The following AIG1 variants were observed in gnomAD, a reference collection of about 807,000 sequenced individuals.
AIG1 encodes androgen induced 1.
A neutral mutation model predicts 31.4 loss-of-function variants in AIG1; 23 were observed. The observed-to-expected ratio is 0.73, with a 90% CI of 0.53 to 1.04. The LOEUF (loss-of-function observed/expected upper bound fraction) is 1.04, where lower values mean the gene tolerates loss of function less well. Ranked by LOEUF, AIG1 falls within the 50% of genes least tolerant of loss-of-function variation. The pLI is 0.00. For synonymous variants in AIG1, 100 were observed against 110.5 expected, an observed-to-expected ratio of 0.90 and a Z score of 0.60; for missense variants, 274 against 295.0, an observed-to-expected ratio of 0.93 and a Z score of 0.52.
At position 143,256,654 on chromosome 6, in the gene AIG1, A is replaced by T. The variant is rs1459429493; in HGVS notation, c.400-27456A>T. Among the ~76,000 whole-genome samples the T allele has an allele frequency of 6.6e-6, 1 of 152,250 alleles. No individual in the cohort carries two copies. Among genetic ancestry groups the T allele is most frequent in the Non-Finnish European group, 1.5e-5 (1 of 68,044 alleles). ...AAGGATCTTACTGAAATAAACATAT[A>T]CTATCAATATGGCATTTGCCTAATC... On this transcript the variant is annotated intron_variant, in intron 3 of 5. Coordinates refer to ENST00000357847, the MANE Select transcript of AIG1 (RefSeq NM_016108.4). This position sits in a 1 kb window ranked among gnomAD's most constrained non-coding sequence, Gnocchi z 4.6.
At chr6:143,190,107 C>CATCT (rs1789651334) in intron 3 of AIG1, 1 of 893,628 alleles carries the variant, frequency 1.1e-6, no homozygotes, top group Admixed American at 6.2e-5. Flanking sequence ...CCCAAAGGGC[C>CATCT]ATCTCCTAAT....
chr6:143,151,084 A>T (rs141724041), intron 2 of AIG1, among the ~76,000 whole-genome samples: 26 of 152,274 alleles, frequency 1.7e-4, no homozygotes, highest in African/African-American at 5.8e-4. Flanking sequence ...TCCAAAGATG[A>T]CCAATTTTTT....
intron 2 of AIG1, among the ~76,000 whole-genome samples, chr6:143,151,029 T>G (rs1261222208): frequency 6.6e-6 from 1 of 152,164 alleles, no homozygotes; most frequent in African/African-American, 2.4e-5. Context: ...ACAGAAAGAT[T>G]GCAGACTCGT....
At chr6:143,060,883 C>T, upstream of AIG1, 2 of 1,386,656 alleles carry the variant, frequency 1.4e-6, no homozygotes, top group Non-Finnish European at 1.9e-6. Context: ...CTCCCTCACG[C>T]CCGCCCTCCT....
chr6:143,202,718 C>T (rs1359275289), intron 3 of AIG1, among the ~76,000 whole-genome samples: 1 of 152,050 alleles, frequency 6.6e-6, no homozygotes, highest in Non-Finnish European at 1.5e-5. Flanking sequence ...CACTGAAACC[C>T]CAGAAGTGTT....
chr6:143,146,187 ACT>A (rs1467378636), intron 2 of AIG1, among the ~76,000 whole-genome samples: 1 of 151,860 alleles, frequency 6.6e-6, no homozygotes, highest in Non-Finnish European at 1.5e-5. Flanking sequence ...CAGAGTTCCT[ACT>A]CTCTCTGGGG....
At chr6:143,257,962 C>G (rs183715415) in intron 3 of AIG1, among the ~76,000 whole-genome samples, 1 of 152,278 alleles carries the variant, frequency 6.6e-6, no homozygotes. Flanking sequence ...TATCCCTGCA[C>G]AGTGGCTAGT....
At chr6:143,088,243 G>A (rs544297212) in intron 1 of AIG1, among the ~76,000 whole-genome samples, 1 of 151,054 alleles carries the variant, frequency 6.6e-6, no homozygotes, top group African/African-American at 2.5e-5. Context: ...TGAGGAAAGG[G>A]TATTTTCTAT....
intron 4 of AIG1, among the ~76,000 whole-genome samples, chr6:143,289,021 G>T (rs1034493973): frequency 2.0e-5 from 3 of 152,120 alleles, no homozygotes; most frequent in East Asian, 1.9e-4. Context: ...GGAGACCAAG[G>T]TTCTTGTTAT....
chr6:143,097,292 A>T (rs1779884951), intron 1 of AIG1, among the ~76,000 whole-genome samples: 1 of 152,008 alleles, frequency 6.6e-6, no homozygotes, highest in Non-Finnish European at 1.5e-5. Context: ...TTTAGACCTT[A>T]TCACCTTTCC....
chr6:143,182,511 C>T (rs1788825748), intron 3 of AIG1, among the ~76,000 whole-genome samples: 1 of 152,014 alleles, frequency 6.6e-6, no homozygotes, highest in Admixed American at 6.6e-5. Flanking sequence ...ACTTCTCTAC[C>T]TCCTCCTCAC....
chr6:143,140,660 A>G (rs1433776774), intron 2 of AIG1, among the ~76,000 whole-genome samples: 3 of 152,244 alleles, frequency 2.0e-5, no homozygotes, highest in Non-Finnish European at 2.9e-5. Context: ...TGGACGGTTC[A>G]TTACATCAGA....
chr6:143,136,724 T>C (rs1783788458), intron 1 of AIG1, 111 bp from the exon 2 acceptor site: 2 of 1,039,674 alleles, frequency 1.9e-6, no homozygotes, highest in Admixed American at 3.1e-5. Context: ...TAAAATATGC[T>C]TCTGATCCTT....
chr6:143,060,756 G>T, upstream of AIG1: 1 of 196,586 alleles, frequency 5.1e-6, no homozygotes. Flanking sequence ...GGCGCTCGCG[G>T]CCGCGCCAGT....
chr6:143,252,893 G>A (rs934258535), intron 3 of AIG1, among the ~76,000 whole-genome samples: 2 of 152,176 alleles, frequency 1.3e-5, no homozygotes, highest in African/African-American at 2.4e-5. Context: ...CATGGCTGTT[G>A]GCAGGTTTCA....
intron 3 of AIG1, among the ~76,000 whole-genome samples, chr6:143,184,015 G>A (rs1788987617): frequency 6.6e-6 from 1 of 152,162 alleles, no homozygotes; most frequent in South Asian, 2.1e-4. Flanking sequence ...AAAGTAAAGT[G>A]GAAAGAGGCT....
At chr6:143,125,007 T>A (rs1434546775) in intron 1 of AIG1, among the ~76,000 whole-genome samples, 1 of 152,200 alleles carries the variant, frequency 6.6e-6, no homozygotes, top group African/African-American at 2.4e-5. Flanking sequence ...TTCCAAGTTT[T>A]GTTTTTTTGG....
chr6:143,280,461 G>A lies in AIG1; in HGVS notation c.400-3649G>A, dbSNP rs1011207486. 2.0e-5 allele frequency among the ~76,000 whole-genome samples: 3 copies of A among 152,152 alleles called. No homozygotes were observed. Among genetic ancestry groups the A allele is most frequent in the African/African-American group, 7.2e-5 (3 of 41,436 alleles). ...GCACCACTCACAATAGCGAAAACAT[G>A]GAATCAACCTAAATGCCTATCAGTG... On this transcript the variant is annotated intron_variant, in intron 3 of 5. Coordinates refer to ENST00000357847, the MANE Select transcript of AIG1 (RefSeq NM_016108.4). The surrounding 1 kb of genome is among the most constrained non-coding windows in gnomAD (Gnocchi z 4.1).
At chr6:143,171,422 A>ATAATATATATT (rs1304752628) in intron 3 of AIG1, among the ~76,000 whole-genome samples, 5 of 106,568 alleles carry the variant, frequency 4.7e-5, no homozygotes, top group African/African-American at 7.7e-5. Flanking sequence ...ATATATATAT[A>ATAATATATATT]ATATATATAA....
Sources: allele counts gnomAD v4.1 joint callset (sites outside exome capture counted in the v4.1 genomes callset), GRCh38; gene constraint gnomAD v4.1.1; non-coding constraint Gnocchi (gnomAD v3.1); transcripts MANE v1.5; gene names NCBI Gene and HGNC (gene_info 2026-07-23, HGNC 2026-07-21).